The following PIP4P2 variants were observed in gnomAD, a reference collection of about 807,000 sequenced individuals.
The protein encoded by PIP4P2 is type 2 phosphatidylinositol 4,5-bisphosphate 4-phosphatase.
PIP4P2 carries 19 observed loss-of-function variants against 33.3 expected under a neutral mutation model. That is an observed-to-expected ratio of 0.57 (90% CI 0.40 to 0.84). The LOEUF (loss-of-function observed/expected upper bound fraction) is 0.84. PIP4P2 is among the 40% of genes least tolerant of loss of function. The pLI is 0.00. For missense variants in PIP4P2, 270 were observed against 324.7 expected (o/e 0.83, Z 1.29); for synonymous variants, 110 against 111.9 (o/e 0.98, Z 0.11).
intron 4 of PIP4P2, among the ~76,000 whole-genome samples, 192 bp downstream of exon 4, chr8:91,018,198 G>A (rs1358356982): frequency 3.9e-5 from 6 of 152,128 alleles, no homozygotes; most frequent in East Asian, 1.9e-4. Context: ...ATCAGAGGAC[G>A]TACCTTTTAT....
At chr8:91,026,642 AT>A (rs1487113600) in intron 1 of PIP4P2, among the ~76,000 whole-genome samples, 3 of 152,092 alleles carry the variant, frequency 2.0e-5, no homozygotes, top group Non-Finnish European at 4.4e-5. Flanking sequence ...TTGGTTAATG[AT>A]TCTTTATATT....
At chr8:91,010,622 A>T (rs1260135303) in intron 4 of PIP4P2, among the ~76,000 whole-genome samples, 2 of 151,942 alleles carry the variant, frequency 1.3e-5, no homozygotes, top group African/African-American at 4.8e-5. Flanking sequence ...CAAACTAATA[A>T]CAAAAAGCAT....
At chr8:91,033,479 C>T (rs1045825143) in intron 1 of PIP4P2, among the ~76,000 whole-genome samples, 5 of 152,166 alleles carry the variant, frequency 3.3e-5, no homozygotes, top group Admixed American at 3.3e-4. Context: ...GTCACCTGTA[C>T]CCTGGTCCCC....
intron 4 of PIP4P2, among the ~76,000 whole-genome samples, chr8:91,009,076 G>T (rs190772903): frequency 3.3e-5 from 5 of 152,154 alleles, no homozygotes; most frequent in African/African-American, 1.2e-4. Flanking sequence ...GGGTCATCTT[G>T]TTCAGTAAGT....
At chr8:90,998,155 T>C (rs1399375920) in intron 5 of PIP4P2, among the ~76,000 whole-genome samples, 10 of 152,074 alleles carry the variant, frequency 6.6e-5, no homozygotes, top group African/African-American at 2.4e-4. Flanking sequence ...TTGTTGTTTC[T>C]TATCACTGCC....
chr8:91,021,480 G>A, intron 1 of PIP4P2, 76 bp from the exon 2 acceptor site: 1 of 1,452,788 alleles, frequency 6.9e-7, no homozygotes, highest in Non-Finnish European at 9.3e-7. Context: ...GGCAATATAA[G>A]TAAAGAAGAA....
intron 1 of PIP4P2, 133 bp from the exon 2 acceptor site, chr8:91,021,537 C>A: frequency 2.0e-6 from 2 of 1,017,562 alleles, no homozygotes; most frequent in Middle Eastern, 2.4e-4. Context: ...TCAAAGCTAG[C>A]CAATTTATCT....
At chr8:91,012,014 A>T (rs1333980163) in intron 4 of PIP4P2, among the ~76,000 whole-genome samples, 2 of 151,984 alleles carry the variant, frequency 1.3e-5, no homozygotes, top group East Asian at 3.8e-4. Context: ...CCTTGAGAGA[A>T]TTCTCTCTCA....
chr8:91,007,120 A>C (rs1459069679), intron 5 of PIP4P2, among the ~76,000 whole-genome samples: 1 of 152,222 alleles, frequency 6.6e-6, no homozygotes, highest in Non-Finnish European at 1.5e-5. Flanking sequence ...GCATATTCAC[A>C]TACTTTGGAG....
intron 2 of PIP4P2, among the ~76,000 whole-genome samples, chr8:91,020,580 A>C (rs758880111): frequency 6.6e-6 from 1 of 152,176 alleles, no homozygotes; most frequent in Non-Finnish European, 1.5e-5. Context: ...AAGCCTAACT[A>C]TGAAAGAAAT....
chr8:91,014,229 C>A (rs1811880901), intron 4 of PIP4P2, among the ~76,000 whole-genome samples: 1 of 152,088 alleles, frequency 6.6e-6, no homozygotes, highest in East Asian at 1.9e-4. Flanking sequence ...CTGAAAGACC[C>A]AGAATAGACC....
chr8:91,007,706 T>C (rs972656642), intron 5 of PIP4P2, among the ~76,000 whole-genome samples: 4 of 152,226 alleles, frequency 2.6e-5, no homozygotes, highest in Non-Finnish European at 5.9e-5. Flanking sequence ...CTTGTAAGGT[T>C]GGCCCTTAGC....
intron 5 of PIP4P2, 136 bp downstream of exon 5, chr8:91,008,606 TA>T: frequency 1.6e-6 from 1 of 624,250 alleles, no homozygotes; most frequent in Non-Finnish European, 2.6e-6. Flanking sequence ...TTTTTAGTCT[TA>T]AAAAGCATAA....
chr8:91,005,416 C>T (rs552553257), intron 5 of PIP4P2, among the ~76,000 whole-genome samples: 1 of 152,200 alleles, frequency 6.6e-6, no homozygotes, highest in African/African-American at 2.4e-5. Context: ...ATATATCACT[C>T]CCTCCTGAAA....
intron 1 of PIP4P2, chr8:91,024,165 T>C (rs1361472179): frequency 1.3e-5 from 3 of 227,016 alleles, no homozygotes; most frequent in Admixed American, 1.0e-4. Context: ...TGCAGCCTAA[T>C]TGCCACAATA....
rs974297481 is a variant in PIP4P2 at position 91,035,210 on chromosome 8, T to C, written c.106+5434A>G. ...ACACAATTATGACAATTACGCTTCATAGAAAACCTAAATGAGCTTCAGAGT... is the reference window on the plus strand; with the variant it reads ...ACACAATTATGACAATTACGCTTCACAGAAAACCTAAATGAGCTTCAGAGT... On this transcript the variant is annotated intron_variant, in intron 1 of 6. Coordinates refer to ENST00000285419, the MANE Select transcript of PIP4P2 (RefSeq NM_018710.3). Among the ~76,000 whole-genome samples the C allele has an allele frequency of 4.6e-5, 7 of 152,322 alleles. 1 individual carries two copies. The highest frequency in any genetic ancestry group is 4.1e-4 in the South Asian group (2 of 4,824).
At chr8:91,005,330 C>A (rs898456520) in intron 5 of PIP4P2, among the ~76,000 whole-genome samples, 3 of 152,076 alleles carry the variant, frequency 2.0e-5, no homozygotes, top group African/African-American at 7.2e-5. Flanking sequence ...CTCCTTTGTA[C>A]CTTTGCACAG....
chr8:91,013,120 T>C (rs997276031), intron 4 of PIP4P2, among the ~76,000 whole-genome samples: 2 of 152,190 alleles, frequency 1.3e-5, no homozygotes, highest in African/African-American at 4.8e-5. Context: ...CTTGTCTCTT[T>C]GCTATCCATT....
chr8:91,004,014 A>G (rs1189136521), intron 5 of PIP4P2, among the ~76,000 whole-genome samples: 1 of 143,910 alleles, frequency 6.9e-6, no homozygotes, highest in Non-Finnish European at 1.5e-5. Context: ...TAGATAGATG[A>G]AATAGATAAG....
Sources: gnomAD v4.1 joint callset for allele counts (sites outside exome capture counted in the v4.1 genomes callset) on GRCh38, gnomAD v4.1.1 for gene constraint, MANE v1.5 for transcripts, NCBI Gene and HGNC (gene_info 2026-07-23, HGNC 2026-07-21) for gene names.